Variants in ZNF48 observed in about 807,000 individuals in gnomAD.
ZNF48 encodes zinc finger protein 48.
A neutral mutation model predicts 40.0 loss-of-function variants in ZNF48; 20 were observed. That is an observed-to-expected ratio of 0.50 (90% confidence interval 0.35 to 0.73). ZNF48 has a LOEUF of 0.73. Ranked by LOEUF, ZNF48 falls within the 30% of genes least tolerant of loss-of-function variation. The pLI is 0.01. For synonymous variants in ZNF48, 298 were observed against 329.7 expected (o/e 0.90, Z 1.04); for missense variants, 726 against 851.9 (o/e 0.85, Z 1.84).
At chr16:30,394,165 G>A (rs768795606), upstream of ZNF48, among the ~76,000 whole-genome samples, 2 of 152,074 alleles carry the variant, frequency 1.3e-5, no homozygotes, top group East Asian at 3.9e-4. Flanking sequence ...GGATTACAGG[G>A]GCAGGCCACC....
chr16:30,378,320 C>T, exon 1 of ZNF48: 1 of 1,047,466 alleles, frequency 9.5e-7, no homozygotes, highest in African/African-American at 1.6e-5. Context: ...CCCTAGCCCG[C>T]GCGAGGGCGG....
chr16:30,378,974 G>A (rs760365510), intron 1 of ZNF48: 1 of 1,586,350 alleles, frequency 6.3e-7, no homozygotes. Flanking sequence ...TCATGGGTGA[G>A]GCGGGACCTT....
At chr16:30,387,102 C>T (rs1414271441) in intron 1 of ZNF48, among the ~76,000 whole-genome samples, 4 of 151,172 alleles carry the variant, frequency 2.6e-5, no homozygotes, top group African/African-American at 9.7e-5. Context: ...ACCACCATGC[C>T]TGGCTAATTT....
intron 1 of ZNF48, among the ~76,000 whole-genome samples, chr16:30,390,215 T>C (rs2049932165): frequency 6.6e-6 from 1 of 152,058 alleles, no homozygotes; most frequent in African/African-American, 2.4e-5. Context: ...CTTTAGACAT[T>C]AATTCAAGTT....
chr16:30,385,333 A>G (rs1462175085), intron 1 of ZNF48, among the ~76,000 whole-genome samples: 1 of 151,960 alleles, frequency 6.6e-6, no homozygotes, highest in Non-Finnish European at 1.5e-5. Flanking sequence ...TCTTAGTTAA[A>G]ATTCTGAAAT....
rs1337902731 is a variant in ZNF48, at chr16:30,395,632, G to T, written c.-16+54G>T. Reference sequence around the variant, plus strand: ...AGCAGCAGGTGCAGGGGCGGCCGGCGGCGCGGGCAGGGGGCACCGGGAGCC... The same window carrying T: ...AGCAGCAGGTGCAGGGGCGGCCGGCTGCGCGGGCAGGGGGCACCGGGAGCC... On this transcript the variant is annotated intron_variant, in intron 1 of 2. Coordinates refer to ENST00000613509, the MANE Select transcript of ZNF48 (RefSeq NM_001214909.2). The surrounding 1 kb of genome is among the most constrained non-coding windows in gnomAD (Gnocchi z 5.9). 7.3e-5 allele frequency: 30 copies of T among 412,310 alleles called. No homozygotes were observed. The highest frequency in any genetic ancestry group is 9.0e-5 in the Non-Finnish European group (25 of 278,984). 25.5% of individuals were successfully genotyped at this position (412,310 alleles called of 1,614,324 possible). A position where few individuals can be genotyped will look rare whatever the true frequency, so the allele number is the denominator to read the frequency against.
upstream of ZNF48, among the ~76,000 whole-genome samples, chr16:30,392,687 A>G (rs1325976211): frequency 6.6e-6 from 1 of 152,190 alleles, no homozygotes; most frequent in Middle Eastern, 3.2e-3. Context: ...TAACTTCCCT[A>G]AAGTCAAGTA....
chr16:30,398,971 C>T lies in ZNF48; in HGVS notation c.1721C>T (p.Ala574Val), dbSNP rs2050024768. ...ACGGGGGAGAAGCCATACAAGTGTG[C>T]AGAGTGTGGCAAGGGTTTTGGTGAC... ...THTGEKPYKC[A>V]ECGKGFGDSS... Residue 574 changes from alanine to valine, a missense_variant, in exon 3 of 3, where the codon GCA (alanine) becomes GTA (valine). Physicochemically the swap from Ala to Val is moderately conservative, Grantham distance 64 (BLOSUM62 0). Around this residue, in one of 5 missense-constraint regions of ZNF48, gnomAD observed 166 missense variants for 163.6 expected, o/e 1.01. Transcript: ENST00000613509. This position sits in a 1 kb window ranked among gnomAD's most constrained non-coding sequence, Gnocchi z 6.6. 1 of 1,614,042 alleles carries T rather than the reference C, an allele frequency of 6.2e-7. No homozygotes were observed. The highest frequency in any genetic ancestry group is 8.5e-7 in the Non-Finnish European group (1 of 1,180,000).
At position 30,398,879 on chromosome 16, in the gene ZNF48, C is replaced by T. The variant is rs1036830822; in HGVS notation, c.1629C>T (p.His543=). Residue 543 remains histidine (H), a synonymous_variant, in exon 3 of 3, where the codon CAC becomes CAT. Coordinates refer to ENST00000613509, the MANE Select transcript of ZNF48 (RefSeq NM_001214909.2). This position sits in a 1 kb window ranked among gnomAD's most constrained non-coding sequence, Gnocchi z 6.6. ...AGCCTTCTGGACCCAGCCAGCCCCA[C>T]GTGTGTGGCTTCTGTGGGAAGGAGT... ...RAQPSGPSQP[H]VCGFCGKEFP... is the part of the protein sequence containing the mutation. 5.0e-6 allele frequency: 8 copies of T among 1,613,950 alleles called. No individual in the cohort carries two copies. The highest frequency in any genetic ancestry group is 2.2e-5 in the South Asian group (2 of 91,070).
At chr16:30,379,638 C>CCCT in intron 1 of ZNF48, 3 of 295,684 alleles carry the variant, frequency 1.0e-5, no homozygotes, top group Admixed American at 8.2e-5. Context: ...CTGCCCCTTC[C>CCCT]TCTTTTTTTT....
Position 30,399,505 on chromosome 16 carries a change from G to A in ZNF48, c.*398G>A, listed in dbSNP as rs1043364741. ...CCCAGCAGTTTGGGAGGCTGAGGTGGGAGAATCACTTGAGCCCAAAAGTTT... is the reference window on the plus strand; with the variant it reads ...CCCAGCAGTTTGGGAGGCTGAGGTGAGAGAATCACTTGAGCCCAAAAGTTT... On this transcript the variant is annotated 3_prime_UTR_variant, in exon 3 of 3. Coordinates refer to ENST00000613509, the MANE Select transcript of ZNF48 (RefSeq NM_001214909.2). 3 of 160,794 alleles carry A rather than the reference G, an allele frequency of 1.9e-5. No homozygotes were observed. Among genetic ancestry groups the A allele is most frequent in the Admixed American group, 1.3e-4 (2 of 15,878 alleles). The allele number at this position is 160,794 out of a possible 1,614,324, so 10.0% of individuals were successfully genotyped here.
At chr16:30,379,049 G>C in intron 1 of ZNF48, 1 of 1,613,702 alleles carries the variant, frequency 6.2e-7, no homozygotes. Flanking sequence ...GCCCCAGGCC[G>C]GGCCAGGCTC....
chr16:30,379,627 C>T (rs894119123), intron 1 of ZNF48: 2 of 670,138 alleles, frequency 3.0e-6, no homozygotes, highest in Non-Finnish European at 2.5e-6. Context: ...TCCTCTGCTT[C>T]CTGCCCCTTC....
At position 30,382,187 on chromosome 16, in the gene ZNF48, C is replaced by T. The variant is rs780910675; in HGVS notation, c.-16+3777C>T. The T allele has an allele frequency of 6.2e-7, 1 of 1,612,138 alleles. No individual in the cohort carries two copies. The highest frequency in any genetic ancestry group is 1.1e-5 in the South Asian group (1 of 90,826). On this transcript the variant is annotated intron_variant, in intron 1 of 2. Transcript: ENST00000528032. The surrounding 1 kb of genome is among the most constrained non-coding windows in gnomAD (Gnocchi z 4.8). ...TCCCTAGGCCTGACTCCCCTGTGGA[C>T]AGAACAGGCCCAACTGGTCAGGGGA...
At chr16:30,380,138 G>C (rs2049825269) in intron 1 of ZNF48, 2 of 884,142 alleles carry the variant, frequency 2.3e-6, no homozygotes, top group East Asian at 6.0e-5. Flanking sequence ...CAGAGACAGA[G>C]AGAAAGACAT....
upstream of ZNF48, among the ~76,000 whole-genome samples, chr16:30,392,005 C>T (rs1255532776): frequency 2.6e-5 from 4 of 151,866 alleles, no homozygotes; most frequent in African/African-American, 9.7e-5. Flanking sequence ...TCCCAGCTAA[C>T]TTTTTTGTAT....
intron 1 of ZNF48, among the ~76,000 whole-genome samples, chr16:30,384,241 A>G (rs1373798513): frequency 6.7e-6 from 1 of 150,340 alleles, no homozygotes; most frequent in Non-Finnish European, 1.5e-5. Context: ...AAACAAATCT[A>G]CCTCAGGACC....
At chr16:30,383,987 CG>C (rs1470222957) in intron 1 of ZNF48, among the ~76,000 whole-genome samples, 1 of 152,064 alleles carries the variant, frequency 6.6e-6, no homozygotes, top group African/African-American at 2.4e-5. Context: ...GAGGCCGAGG[CG>C]GGTGGATCAC....
chr16:30,388,974 C>T (rs1186915969), intron 1 of ZNF48, among the ~76,000 whole-genome samples: 2 of 151,638 alleles, frequency 1.3e-5, no homozygotes, highest in East Asian at 1.9e-4. Context: ...AAAAAAGGCT[C>T]TTGTGGCCGG....
Sources: gnomAD v4.1 joint callset for allele counts (sites outside exome capture counted in the v4.1 genomes callset) on GRCh38, gnomAD v4.1.1 for gene constraint, gnomAD v4.1.1 regional missense constraint, Gnocchi (gnomAD v3.1) non-coding constraint, MANE v1.5 for transcripts, NCBI Gene and HGNC (gene_info 2026-07-23, HGNC 2026-07-21) for gene names.